The following BRI3BP variants were observed in gnomAD, a reference collection of about 807,000 sequenced individuals.
BRI3BP encodes BRI3-binding protein.
BRI3BP carries 7 observed loss-of-function variants against 15.8 expected under a neutral mutation model. The observed-to-expected ratio is 0.44, with a 90% CI of 0.25 to 0.83. The LOEUF (loss-of-function observed/expected upper bound fraction) is 0.83. Ranked by LOEUF, BRI3BP falls within the 40% of genes least tolerant of loss-of-function variation. The pLI, the probability that BRI3BP is intolerant of heterozygous loss-of-function variation, is 0.20. For missense variants in BRI3BP, 320 were observed against 339.3 expected (o/e 0.94, Z 0.45); for synonymous variants, 192 against 163.5 (o/e 1.17, Z -1.33).
intron 1 of BRI3BP, among the ~76,000 whole-genome samples, chr12:125,005,331 G>A (rs1565902985): frequency 6.6e-6 from 1 of 152,170 alleles, no homozygotes; most frequent in African/African-American, 2.4e-5. Flanking sequence ...CCCACCTCAT[G>A]CTTTTTCTTG....
chr12:125,003,212 A>G (rs1265952344), intron 1 of BRI3BP, among the ~76,000 whole-genome samples: 1 of 152,196 alleles, frequency 6.6e-6, no homozygotes, highest in Non-Finnish European at 1.5e-5. Context: ...TGATGGAGGT[A>G]AAGCGAGATT....
At chr12:125,002,023 A>C (rs573157344) in intron 1 of BRI3BP, among the ~76,000 whole-genome samples, 1 of 152,158 alleles carries the variant, frequency 6.6e-6, no homozygotes, top group African/African-American at 2.4e-5. Flanking sequence ...GGCTTCTTTC[A>C]CTTAGCCTCA....
the BRI3BP span, among the ~76,000 whole-genome samples, chr12:125,038,150 G>A: frequency 1.3e-5 from 2 of 151,690 alleles, no homozygotes; most frequent in Admixed American, 6.6e-5. Context: ...GGTGGTGTGC[G>A]TCTGTGTTCC....
chr12:125,041,185 A>G, the BRI3BP span, among the ~76,000 whole-genome samples: 1 of 151,954 alleles, frequency 6.6e-6, no homozygotes, highest in Admixed American at 6.6e-5. Flanking sequence ...AGCTGGGACT[A>G]CAGTCACCTG....
chr12:125,030,945 A>T lies in BRI3BP; in HGVS notation c.*5515A>T, dbSNP rs936243831. 6.6e-6 allele frequency: 1 copy of T among 150,440 alleles called. No individual in the cohort carries two copies. The highest frequency in any genetic ancestry group is 1.5e-5 in the Non-Finnish European group (1 of 67,408). 9.3% of individuals were successfully genotyped at this position (150,440 alleles called of 1,614,324 possible). A position where few individuals can be genotyped will look rare whatever the true frequency, so the allele number is the denominator to read the frequency against. On this transcript the variant is annotated 3_prime_UTR_variant, in exon 3 of 3. Coordinates refer to ENST00000341446, the MANE Select transcript of BRI3BP (RefSeq NM_080626.6). The stretch of plus-strand genomic sequence containing the variant: ...TAATATAAATCCATTTGATTTGAAT[A>T]GTGTGTGTGTGTACATGGTGTGTGT...
chr12:125,032,769 A>G (rs577842516), downstream of BRI3BP, among the ~76,000 whole-genome samples: 3 of 152,358 alleles, frequency 2.0e-5, no homozygotes, highest in Admixed American at 6.5e-5. Flanking sequence ...GTGAGATCCT[A>G]TCTCAAAATA....
At chr12:124,996,177 G>C (rs1305028429) in intron 1 of BRI3BP, among the ~76,000 whole-genome samples, 1 of 151,898 alleles carries the variant, frequency 6.6e-6, no homozygotes, top group Non-Finnish European at 1.5e-5. Flanking sequence ...GCCTTCCAAA[G>C]TGCTGGGATT....
chr12:124,997,862 C>G, intron 1 of BRI3BP, among the ~76,000 whole-genome samples: 1 of 152,044 alleles, frequency 6.6e-6, no homozygotes, highest in East Asian at 2.0e-4. Flanking sequence ...TGGTGGCTCA[C>G]GCCTGTAATC....
At chr12:125,006,004 G>T (rs1955140297) in intron 1 of BRI3BP, among the ~76,000 whole-genome samples, 2 of 152,148 alleles carry the variant, frequency 1.3e-5, no homozygotes, top group South Asian at 4.1e-4. Flanking sequence ...GTCTTGGCTT[G>T]CAGATGGCCG....
intron 1 of BRI3BP, among the ~76,000 whole-genome samples, chr12:125,003,995 ACACACAC>A (rs545805103): frequency 0.4 from 32,861 of 82,658 alleles, 4,063 homozygotes; most frequent in South Asian, 0.57. Context: ...ACACACACAC[ACACACAC>A]AACACACAAT....
chr12:125,027,554 C>T lies in BRI3BP; in HGVS notation c.*2124C>T, dbSNP rs1260912839. ...GCCTGGTGGTGGGCGCCTGTGATCC[C>T]AGCTACTTGGGAGGCTGAGGCTGGA... On this transcript the variant is annotated 3_prime_UTR_variant, in exon 3 of 3. Transcript: ENST00000341446. The T allele has an allele frequency of 2.0e-5, 3 of 152,086 alleles. No individual in the cohort carries two copies. Among genetic ancestry groups the T allele is most frequent in the Non-Finnish European group, 4.4e-5 (3 of 68,094 alleles). The allele number at this position is 152,086 out of a possible 1,614,324, so 9.4% of individuals were successfully genotyped here.
chr12:125,012,577 T>G lies in BRI3BP; in HGVS notation c.257T>G (p.Met86Arg). Reference protein sequence around the residue: ...LTERFVLGVDMFVETLWKVWT... With the variant: ...LTERFVLGVDRFVETLWKVWT... ...GAGAGATTTGTGCTGGGAGTGGATA[T>G]GTTCGTGGAGACACTGTGGAAAGTC... is the stretch of plus-strand genomic sequence containing the variant. Residue 86 changes from methionine to arginine, a missense_variant, in exon 2 of 3, where the codon ATG becomes AGG. Transcript: ENST00000341446. The G allele has an allele frequency of 6.2e-7, 1 of 1,613,502 alleles. No individual in the cohort carries two copies.
intron 2 of BRI3BP, among the ~76,000 whole-genome samples, chr12:125,022,778 T>C (rs1423978475): frequency 1.3e-5 from 2 of 152,050 alleles, no homozygotes; most frequent in Non-Finnish European, 2.9e-5. Flanking sequence ...CCACCCACCT[T>C]GGCCTCCCAA....
At chr12:125,044,476 G>A in the BRI3BP span, among the ~76,000 whole-genome samples, 1 of 149,446 alleles carries the variant, frequency 6.7e-6, no homozygotes, top group East Asian at 2.0e-4. Context: ...TTGAGACAGG[G>A]TCTTGTTCTG....
At chr12:125,012,937 G>C (rs977228386) in intron 2 of BRI3BP, among the ~76,000 whole-genome samples, 1 of 151,986 alleles carries the variant, frequency 6.6e-6, no homozygotes, top group Non-Finnish European at 1.5e-5. Flanking sequence ...CAAAAAAATT[G>C]CTGGGTGCAG....
Position 125,030,044 on chromosome 12 carries a change from A to G in BRI3BP, c.*4614A>G, listed in dbSNP as rs978904747. 2.6e-5 allele frequency: 4 copies of G among 152,256 alleles called. No individual in the cohort carries two copies. The highest frequency in any genetic ancestry group is 4.8e-5 in the African/African-American group (2 of 41,466). The allele number at this position is 152,256 out of a possible 1,614,324, so 9.4% of individuals were successfully genotyped here. ...TTCAGGCTTATGGAGCGTTAAGAAT[A>G]ACAGCTGTCAAATGGCCTAGACATG... On this transcript the variant is annotated 3_prime_UTR_variant, in exon 3 of 3. Transcript: ENST00000341446.
chr12:125,014,497 G>A (rs1313458168), intron 2 of BRI3BP, among the ~76,000 whole-genome samples: 4 of 152,200 alleles, frequency 2.6e-5, no homozygotes, highest in African/African-American at 9.7e-5. Flanking sequence ...GAATTCCCGG[G>A]CAGGCCAGGC....
intron 2 of BRI3BP, among the ~76,000 whole-genome samples, 161 bp downstream of exon 2, chr12:125,012,797 G>A (rs558844967): frequency 6.6e-4 from 100 of 152,228 alleles, no homozygotes; most frequent in Non-Finnish European, 1.1e-3. Flanking sequence ...TCATATATAG[G>A]CCAGGCATGG....
intron 2 of BRI3BP, among the ~76,000 whole-genome samples, chr12:125,013,823 C>T (rs10846807): frequency 0.25 from 38,483 of 151,992 alleles, 4,934 homozygotes; most frequent in Non-Finnish European, 0.27. Context: ...TGGTGAGGCA[C>T]GGCCCCTCCC....
Sources: allele counts gnomAD v4.1 joint callset (sites outside exome capture counted in the v4.1 genomes callset), GRCh38; gene constraint gnomAD v4.1.1; transcripts MANE v1.5; gene names NCBI Gene and HGNC (gene_info 2026-07-23, HGNC 2026-07-21).